The following ASTN2 variants were observed in gnomAD, a reference collection of about 807,000 sequenced individuals.
The protein encoded by ASTN2 is astrotactin 2.
ASTN2 carries 54 observed loss-of-function variants against 139.8 expected under a neutral mutation model. The observed-to-expected ratio is 0.39, with a 90% CI of 0.31 to 0.48. ASTN2 has a LOEUF of 0.48. ASTN2 is among the 20% of genes least tolerant of loss of function. The pLI is 0.95. For synonymous variants in ASTN2, 756 were observed against 719.5 expected (o/e 1.05, Z -0.81); for missense variants, 1,565 against 1,725.1 (o/e 0.91, Z 1.64).
chr9:116,974,048 T>A (rs1347771062), intron 10 of ASTN2, among the ~76,000 whole-genome samples: 1 of 152,154 alleles, frequency 6.6e-6, no homozygotes, highest in Non-Finnish European at 1.5e-5. Context: ...ATGGAGCTGT[T>A]GAAAAACAGT....
At chr9:116,633,781 A>G (rs1448170617) in intron 17 of ASTN2, among the ~76,000 whole-genome samples, 2 of 152,150 alleles carry the variant, frequency 1.3e-5, no homozygotes, top group East Asian at 3.9e-4. Context: ...GGGGCAGGAA[A>G]ATAAAGGTCA....
intron 4 of ASTN2, among the ~76,000 whole-genome samples, chr9:117,136,377 C>T (rs1446987465): frequency 1.3e-5 from 2 of 152,140 alleles, no homozygotes; most frequent in Non-Finnish European, 2.9e-5. Flanking sequence ...AATAAACATG[C>T]ATATACTATG....
At chr9:116,693,261 C>T (rs1486738381) in intron 16 of ASTN2, among the ~76,000 whole-genome samples, 1 of 152,132 alleles carries the variant, frequency 6.6e-6, no homozygotes, top group African/African-American at 2.4e-5. Flanking sequence ...CAGGTTTAGA[C>T]AGGTTAAATA....
intron 20 of ASTN2, among the ~76,000 whole-genome samples, chr9:116,487,112 T>A (rs1046639761): frequency 2.2e-4 from 33 of 152,192 alleles, no homozygotes; most frequent in African/African-American, 8.0e-4. Flanking sequence ...AGATTTCTAA[T>A]CAGTAGAAGG....
At chr9:117,129,301 C>A (rs1829775384) in intron 4 of ASTN2, among the ~76,000 whole-genome samples, 1 of 152,084 alleles carries the variant, frequency 6.6e-6, no homozygotes, top group Non-Finnish European at 1.5e-5. Context: ...CAAACAAAAA[C>A]ATAAAATCTG....
Position 117,262,515 on chromosome 9 carries a change from A to T in ASTN2, c.630+28811T>A, listed in dbSNP as rs544684214. Among the ~76,000 whole-genome samples the T allele has an allele frequency of 4.0e-5, 6 of 151,886 alleles. No individual in the cohort carries two copies. The East Asian group carries it at 1.2e-3, about 29-fold the overall frequency. On this transcript the variant is annotated intron_variant, in intron 2 of 22. Transcript: ENST00000313400. ...GATACCCCTTCAACACCCTCAATCCATGTAGTCTAGATCTGGCTGGCCTGA... is the reference window on the plus strand; with the variant it reads ...GATACCCCTTCAACACCCTCAATCCTTGTAGTCTAGATCTGGCTGGCCTGA...
At chr9:116,440,469 T>G in intron 22 of ASTN2, 140 bp downstream of exon 22, 2 of 766,430 alleles carry the variant, frequency 2.6e-6, no homozygotes, top group Non-Finnish European at 2.1e-6. Flanking sequence ...ATTTTCTATC[T>G]TTAGCCTTGA....
At chr9:117,080,754 A>T (rs1016950353) in intron 5 of ASTN2, among the ~76,000 whole-genome samples, 1 of 152,160 alleles carries the variant, frequency 6.6e-6, no homozygotes, top group Non-Finnish European at 1.5e-5. Flanking sequence ...GAGCTTAGGA[A>T]TCAGTGGTCT....
chr9:117,012,832 C>T (rs558643818), intron 6 of ASTN2, among the ~76,000 whole-genome samples: 1 of 152,190 alleles, frequency 6.6e-6, no homozygotes, highest in Non-Finnish European at 1.5e-5. Flanking sequence ...GCAAGGCACT[C>T]CACTCAAGTA....
chr9:117,044,550 T>C (rs2132656936), intron 5 of ASTN2, among the ~76,000 whole-genome samples: 1 of 152,210 alleles, frequency 6.6e-6, no homozygotes, highest in South Asian at 2.1e-4. Context: ...TAAGTAAGGG[T>C]TGTAGACAGC....
intron 13 of ASTN2, among the ~76,000 whole-genome samples, chr9:116,784,237 C>A (rs763210563): frequency 1.6e-4 from 24 of 152,156 alleles, no homozygotes; most frequent in Non-Finnish European, 1.3e-4. Context: ...TCATAACACC[C>A]CTAATGAAAC....
At position 117,212,006 on chromosome 9, in the gene ASTN2, A is replaced by G. The variant is rs140769353; in HGVS notation, c.1015+2352T>C. On this transcript the variant is annotated intron_variant, in intron 3 of 22. Coordinates refer to ENST00000313400, the MANE Select transcript of ASTN2 (RefSeq NM_001365068.1). ...CTTTCAGACCTCAAAATATACTACA[A>G]AGCTGTAGTAACCAAAGTTACTGCA... Among the ~76,000 whole-genome samples the G allele has an allele frequency of 3.6e-4, 55 of 152,338 alleles. No homozygotes were observed. The East Asian group carries it at 0.01, about 29-fold the overall frequency.
chr9:116,959,320 A>C (rs2132500160), intron 10 of ASTN2, among the ~76,000 whole-genome samples: 1 of 152,304 alleles, frequency 6.6e-6, no homozygotes, highest in East Asian at 1.9e-4. Flanking sequence ...AGGACCTAAA[A>C]GCACTCAAGA....
At position 116,998,572 on chromosome 9, in the gene ASTN2, T is replaced by TCC. The variant is rs55932045; in HGVS notation, c.1591+9519_1591+9520insGG. Among the ~76,000 whole-genome samples the TCC allele has an allele frequency of 2.6e-4, 38 of 147,960 alleles. 1 individual carries two copies. Among genetic ancestry groups the TCC allele is most frequent in the South Asian group, 1.5e-3 (7 of 4,732 alleles). ...TTTCATCCATCCATCCATCCATCCA[T>TCC]ACATCCATCCATACATCCATGCATC... is the stretch of plus-strand genomic sequence containing the variant. On this transcript the variant is annotated intron_variant, in intron 7 of 22. Coordinates refer to ENST00000313400, the MANE Select transcript of ASTN2 (RefSeq NM_001365068.1).
At chr9:116,838,081 T>A (rs1416849151) in intron 11 of ASTN2, among the ~76,000 whole-genome samples, 1 of 151,768 alleles carries the variant, frequency 6.6e-6, no homozygotes, top group African/African-American at 2.4e-5. Flanking sequence ...GATTGCTGGA[T>A]TCCAGTTCTG....
chr9:117,053,230 T>C (rs1227337095), intron 5 of ASTN2, among the ~76,000 whole-genome samples: 6 of 151,926 alleles, frequency 3.9e-5, no homozygotes, highest in Non-Finnish European at 2.9e-5. Flanking sequence ...GGCAGGAAGA[T>C]TGTTAGAGGT....
intron 17 of ASTN2, among the ~76,000 whole-genome samples, chr9:116,650,738 T>C (rs1857860753): frequency 6.6e-6 from 1 of 152,116 alleles, no homozygotes; most frequent in Admixed American, 6.5e-5. Flanking sequence ...CAGACAGGTA[T>C]GGACAATGGC....
chr9:117,232,526 C>T (rs1032624301), intron 2 of ASTN2, among the ~76,000 whole-genome samples: 2 of 152,242 alleles, frequency 1.3e-5, no homozygotes, highest in African/African-American at 4.8e-5. Flanking sequence ...GCACTCAGCA[C>T]TTACCCTGGG....
intron 16 of ASTN2, among the ~76,000 whole-genome samples, chr9:116,722,475 G>A (rs1012040633): frequency 1.3e-5 from 2 of 152,098 alleles, no homozygotes; most frequent in Non-Finnish European, 1.5e-5. Context: ...AAGTGGCCAG[G>A]GTCCCATCAT....
Sources: allele counts gnomAD v4.1 joint callset (sites outside exome capture counted in the v4.1 genomes callset), GRCh38; gene constraint gnomAD v4.1.1; transcripts MANE v1.5; gene names NCBI Gene and HGNC (gene_info 2026-07-23, HGNC 2026-07-21).